Variants in SLIT3 observed in about 807,000 individuals in gnomAD.
SLIT3 encodes the protein slit homolog 3 protein.
In SLIT3, 68 loss-of-function variants were observed where a neutral mutation model predicts 184.0. The observed-to-expected ratio is 0.37, with a 90% confidence interval of 0.30 to 0.45. The LOEUF is 0.45. Among genes scored for constraint, SLIT3 ranks in the 20% least tolerant of loss-of-function variants. SLIT3 has a pLI of 1.00. For missense variants in SLIT3, 1,707 were observed against 2,026.0 expected (o/e 0.84, Z 3.02); for synonymous variants, 831 against 828.6 (o/e 1.00, Z -0.05).
chr5:169,046,971 T>C (rs1195771952), intron 4 of SLIT3, among the ~76,000 whole-genome samples: 1 of 152,148 alleles, frequency 6.6e-6, no homozygotes, highest in African/African-American at 2.4e-5. Flanking sequence ...GTGTCTACTC[T>C]GGCCGCAGTA....
At chr5:169,068,864 T>C (rs1271427818) in intron 4 of SLIT3, among the ~76,000 whole-genome samples, 1 of 152,184 alleles carries the variant, frequency 6.6e-6, no homozygotes, top group African/African-American at 2.4e-5. Flanking sequence ...GCAGAATCCT[T>C]TTATTATGAT....
At chr5:168,804,411 G>C (rs1756886662) in intron 9 of SLIT3, among the ~76,000 whole-genome samples, 1 of 149,490 alleles carries the variant, frequency 6.7e-6, no homozygotes, top group Non-Finnish European at 1.5e-5. Context: ...GAAGGAGGGA[G>C]ATATTTAAAG....
chr5:168,691,515 CCA>C (rs1761904868), intron 29 of SLIT3, among the ~76,000 whole-genome samples: 1 of 152,206 alleles, frequency 6.6e-6, no homozygotes, highest in South Asian at 2.1e-4. Flanking sequence ...GCTTCTGGCC[CCA>C]GAGGCTGGAG....
chr5:168,990,749 T>G (rs938287188), intron 4 of SLIT3, among the ~76,000 whole-genome samples: 1 of 152,196 alleles, frequency 6.6e-6, no homozygotes, highest in African/African-American at 2.4e-5. Flanking sequence ...CCTGTCCCTC[T>G]TGGGTGGGTT....
intron 4 of SLIT3, among the ~76,000 whole-genome samples, chr5:169,068,519 A>G (rs915587710): frequency 6.6e-6 from 1 of 152,226 alleles, no homozygotes; most frequent in East Asian, 1.9e-4. Context: ...GATGGGCTGC[A>G]TATTATACTC....
intron 4 of SLIT3, among the ~76,000 whole-genome samples, chr5:169,081,941 G>T (rs1416213513): frequency 6.6e-6 from 1 of 152,158 alleles, no homozygotes; most frequent in Non-Finnish European, 1.5e-5. Flanking sequence ...ACACAGCTGG[G>T]TTGTTGCTGA....
At chr5:168,699,489 T>C (rs1762156526) in intron 27 of SLIT3, among the ~76,000 whole-genome samples, 1 of 151,944 alleles carries the variant, frequency 6.6e-6, no homozygotes, top group African/African-American at 2.4e-5. Flanking sequence ...CACAGGCCAG[T>C]GAAACTGGGC....
intron 4 of SLIT3, among the ~76,000 whole-genome samples, chr5:168,932,568 A>G (rs1258448894): frequency 6.6e-6 from 1 of 152,144 alleles, no homozygotes; most frequent in Non-Finnish European, 1.5e-5. Flanking sequence ...ATGTAAAGGT[A>G]GATAGTATAG....
At chr5:169,203,891 G>C (rs188064057) in intron 3 of SLIT3, among the ~76,000 whole-genome samples, 1 of 152,224 alleles carries the variant, frequency 6.6e-6, no homozygotes. Context: ...GGCAGATTTG[G>C]ATATGTTAAA....
chr5:169,148,193 C>T (rs999427898), intron 4 of SLIT3, among the ~76,000 whole-genome samples: 1 of 152,138 alleles, frequency 6.6e-6, no homozygotes, highest in Non-Finnish European at 1.5e-5. Context: ...GAATTGTTCA[C>T]GTTTGTTTTG....
intron 4 of SLIT3, among the ~76,000 whole-genome samples, chr5:169,150,435 T>C (rs1561698891): frequency 6.6e-6 from 1 of 151,698 alleles, no homozygotes; most frequent in Non-Finnish European, 1.5e-5. Context: ...TAAACAAAGG[T>C]CTAACTAAGG....
chr5:168,818,773 C>T (rs1350192365), intron 7 of SLIT3, among the ~76,000 whole-genome samples: 3 of 152,254 alleles, frequency 2.0e-5, no homozygotes, highest in Non-Finnish European at 4.4e-5. Context: ...TTGCCAAACA[C>T]TGGCCAAGTG....
chr5:169,137,000 G>A (rs562749860), intron 4 of SLIT3, among the ~76,000 whole-genome samples: 2 of 152,110 alleles, frequency 1.3e-5, no homozygotes, highest in South Asian at 4.2e-4. Flanking sequence ...AGGATTACAG[G>A]AGTGAGCCAC....
At chr5:168,692,733 A>G (rs777977631) in intron 28 of SLIT3, 33 bp from the exon 29 acceptor site, 1 of 1,524,240 alleles carries the variant, frequency 6.6e-7, no homozygotes, top group Non-Finnish European at 9.1e-7. Flanking sequence ...CTCAGGCCTC[A>G]GGCAGGGTAG....
chr5:169,192,677 C>T (rs297896), intron 4 of SLIT3, among the ~76,000 whole-genome samples: 25,046 of 152,060 alleles, frequency 0.16, 2,668 homozygotes, highest in African/African-American at 0.28. Flanking sequence ...ATCTTGCTAC[C>T]TGACTGCAAA....
intron 12 of SLIT3, among the ~76,000 whole-genome samples, chr5:168,778,299 A>G (rs1248516791): frequency 2.6e-5 from 4 of 152,208 alleles, no homozygotes; most frequent in Admixed American, 2.6e-4. Flanking sequence ...GACTCAACCA[A>G]GGTCCCCCAG....
At chr5:169,209,010 G>A (rs1289098279) in intron 3 of SLIT3, among the ~76,000 whole-genome samples, 1 of 152,168 alleles carries the variant, frequency 6.6e-6, no homozygotes, top group Non-Finnish European at 1.5e-5. Flanking sequence ...TCATCAGAGT[G>A]AACAGGCAAC....
intron 4 of SLIT3, among the ~76,000 whole-genome samples, chr5:169,159,827 T>C (rs1450116642): frequency 6.6e-6 from 1 of 152,308 alleles, no homozygotes; most frequent in Admixed American, 6.5e-5. Flanking sequence ...TAACGTGATA[T>C]AAGCAAAAGT....
intron 4 of SLIT3, among the ~76,000 whole-genome samples, chr5:169,151,122 A>G (rs1334557523): frequency 6.6e-6 from 1 of 152,180 alleles, no homozygotes; most frequent in African/African-American, 2.4e-5. Context: ...AGAGAAGTGA[A>G]AGGGACACCA....
Sources: gnomAD v4.1 joint callset for allele counts (sites outside exome capture counted in the v4.1 genomes callset) on GRCh38, gnomAD v4.1.1 for gene constraint, MANE v1.5 for transcripts, NCBI Gene and HGNC (gene_info 2026-07-23, HGNC 2026-07-21) for gene names.